Variants in HMGA2 observed in about 807,000 individuals in gnomAD.
HMGA2 encodes the protein high mobility group AT-hook 2.
A neutral mutation model predicts 19.1 loss-of-function variants in HMGA2; 8 were observed. That is an observed-to-expected ratio of 0.42 (90% confidence interval 0.25 to 0.76). The LOEUF is 0.76. Among genes scored for constraint, HMGA2 ranks in the 30% least tolerant of loss-of-function variants. The probability of loss-of-function intolerance (pLI) is 0.28; values close to 1 mark genes in which losing one functional copy is unlikely to be tolerated. For synonymous variants in HMGA2, 60 were observed against 48.8 expected (o/e 1.23, Z -0.96); for missense variants, 109 against 136.3 (o/e 0.80, Z 1.00).
rs985418166 is a variant in HMGA2 at position 65,846,506 on chromosome 12, G to A, written c.249+7937G>A. 1.1e-4 allele frequency among the ~76,000 whole-genome samples: 16 copies of A among 152,222 alleles called. 1 individual carries two copies. The highest frequency in any genetic ancestry group is 2.4e-5 in the African/African-American group (1 of 41,458). On this transcript the variant is annotated intron_variant, in intron 3 of 4. Transcript: ENST00000403681. ...CAGGGAAAGCCCGTGTTATCACATT[G>A]TACTGTAATTTCAGTGCATTAACTC...
At position 65,834,148 on chromosome 12, in the gene HMGA2, C is replaced by G. The variant is rs59498185; in HGVS notation, c.199-4371C>G. Among the ~76,000 whole-genome samples the G allele has an allele frequency of 5.6e-3, 858 of 152,288 alleles. 13 individuals carry two copies. The highest frequency in any genetic ancestry group is 0.018 in the African/African-American group (734 of 41,572). ...TCACTTTAATTCTAAAGCTTATACT[C>G]TTTCCACTACCATGTGCTGAATGTT... On this transcript the variant is annotated intron_variant, in intron 2 of 4. Transcript: ENST00000403681.
chr12:65,922,938 G>T (rs909600440), intron 3 of HMGA2, among the ~76,000 whole-genome samples: 1 of 152,126 alleles, frequency 6.6e-6, no homozygotes, highest in South Asian at 2.1e-4. Context: ...TGTAAGAAGT[G>T]TCTTTCGCCT....
At chr12:65,858,192 T>C (rs543596122) in intron 3 of HMGA2, 1 of 152,720 alleles carries the variant, frequency 6.5e-6, no homozygotes, top group Non-Finnish European at 1.5e-5. Flanking sequence ...TTTTTATGGG[T>C]TGATGCAGTT....
chr12:65,933,020 T>C (rs1875770572), intron 3 of HMGA2, among the ~76,000 whole-genome samples: 1 of 152,166 alleles, frequency 6.6e-6, no homozygotes, highest in Non-Finnish European at 1.5e-5. Flanking sequence ...ACCTCTGTCC[T>C]ATATATGCTA....
intron 3 of HMGA2, among the ~76,000 whole-genome samples, chr12:65,904,800 G>A (rs1397783140): frequency 2.0e-5 from 3 of 151,990 alleles, no homozygotes; most frequent in African/African-American, 7.3e-5. Flanking sequence ...TTTTCACTTT[G>A]GGAGGCCGAG....
intron 3 of HMGA2, chr12:65,914,668 GTTGTTGTTA>G: frequency 3.5e-6 from 1 of 284,796 alleles, no homozygotes. Context: ...TTGGTTGTTT[GTTGTTGTTA>G]TTGTTGTTGT....
At chr12:65,909,361 G>A (rs1874741070) in intron 3 of HMGA2, among the ~76,000 whole-genome samples, 1 of 151,872 alleles carries the variant, frequency 6.6e-6, no homozygotes, top group South Asian at 2.1e-4. Flanking sequence ...TTTAAACTAT[G>A]GATTGCCTTC....
At chr12:65,918,795 A>G (rs1349985030) in intron 3 of HMGA2, among the ~76,000 whole-genome samples, 6 of 152,240 alleles carry the variant, frequency 3.9e-5, no homozygotes. Flanking sequence ...CAACAGAGAA[A>G]TAGCTGGAAA....
At chr12:65,945,655 C>T (rs965943273) in intron 3 of HMGA2, among the ~76,000 whole-genome samples, 3 of 152,074 alleles carry the variant, frequency 2.0e-5, no homozygotes, top group Non-Finnish European at 2.9e-5. Flanking sequence ...CCACACAAGT[C>T]GAGGCTGCTG....
intron 3 of HMGA2, among the ~76,000 whole-genome samples, chr12:65,932,646 G>T (rs568298161): frequency 3.7e-4 from 56 of 152,360 alleles, no homozygotes; most frequent in African/African-American, 1.3e-3. Flanking sequence ...GCTATTTGGT[G>T]ATAAATAGTG....
intron 3 of HMGA2, among the ~76,000 whole-genome samples, chr12:65,853,754 A>G (rs1055116152): frequency 6.6e-6 from 1 of 152,230 alleles, no homozygotes; most frequent in Non-Finnish European, 1.5e-5. Context: ...CTCAATGCAC[A>G]GTGCTTGGCG....
intron 3 of HMGA2, among the ~76,000 whole-genome samples, chr12:65,941,373 C>T: frequency 6.6e-6 from 1 of 152,078 alleles, no homozygotes; most frequent in Non-Finnish European, 1.5e-5. Context: ...GGGCATGTAG[C>T]AGAAAGAACT....
chr12:65,884,184 A>G (rs1310779639), intron 3 of HMGA2, among the ~76,000 whole-genome samples: 2 of 152,206 alleles, frequency 1.3e-5, no homozygotes, highest in African/African-American at 2.4e-5. Flanking sequence ...TTTTATATAC[A>G]GATTGAATAT....
rs78669354 is a variant in HMGA2 at position 65,919,156 on chromosome 12, A to G, written c.250-32227A>G. Among the ~76,000 whole-genome samples, 25 of 152,346 alleles carry G rather than the reference A, an allele frequency of 1.6e-4. No homozygotes were observed. In the East Asian group the frequency reaches 4.6e-3, roughly 28 times the overall value. ...TCCCTTTGGGAACATTGCGCAGCAT[A>G]GACTTGCTAAGTCCTGAAAATGGAA... On this transcript the variant is annotated intron_variant, in intron 3 of 4. Transcript: ENST00000403681.
At chr12:65,849,406 G>A (rs1250698492) in intron 3 of HMGA2, among the ~76,000 whole-genome samples, 1 of 152,170 alleles carries the variant, frequency 6.6e-6, no homozygotes. Context: ...TTAAGGAAAG[G>A]ATGAAAAGGC....
At chr12:65,918,033 A>C (rs1283205959) in intron 3 of HMGA2, among the ~76,000 whole-genome samples, 1 of 152,226 alleles carries the variant, frequency 6.6e-6, no homozygotes, top group African/African-American at 2.4e-5. Context: ...CACTCAGAGT[A>C]GGCTTTTAAA....
At chr12:65,936,243 G>T (rs533835094) in intron 3 of HMGA2, among the ~76,000 whole-genome samples, 11 of 148,106 alleles carry the variant, frequency 7.4e-5, no homozygotes, top group African/African-American at 2.5e-4. Flanking sequence ...ACAAGAATGT[G>T]GGGGGAGGAT....
At chr12:65,951,803 C>G (rs1565741482) in intron 4 of HMGA2, 2 of 176,010 alleles carry the variant, frequency 1.1e-5, no homozygotes, top group Non-Finnish European at 2.4e-5. Context: ...TGATTCATGA[C>G]TGGAAACATA....
chr12:65,961,990 G>A (rs1592470466), intron 4 of HMGA2, among the ~76,000 whole-genome samples: 1 of 152,148 alleles, frequency 6.6e-6, no homozygotes, highest in African/African-American at 2.4e-5. Context: ...AAGGAAGAGA[G>A]GTATAAATTG....
Sources: allele counts gnomAD v4.1 joint callset (sites outside exome capture counted in the v4.1 genomes callset), GRCh38; gene constraint gnomAD v4.1.1; transcripts MANE v1.5; gene names NCBI Gene and HGNC (gene_info 2026-07-23, HGNC 2026-07-21).